The following PKHD1 variants were observed in gnomAD, a reference collection of about 807,000 sequenced individuals.
The protein encoded by PKHD1 is fibrocystin.
PKHD1 carries 291 observed loss-of-function variants against 412.0 expected under a neutral mutation model. The ratio of observed to expected loss-of-function variants is 0.71; its 90% CI spans 0.64 to 0.78. The LOEUF (loss-of-function observed/expected upper bound fraction) is 0.78, where lower values mean the gene tolerates loss of function less well. Ranked by LOEUF, PKHD1 falls within the 30% of genes least tolerant of loss-of-function variation. The probability of loss-of-function intolerance (pLI) is 0.00; values close to 1 mark genes in which losing one functional copy is unlikely to be tolerated. For missense variants in PKHD1, 4,825 were observed against 4,950.7 expected, an observed-to-expected ratio of 0.97 and a Z score of 0.76; for synonymous variants, 1,777 against 1,821.5, an observed-to-expected ratio of 0.98 and a Z score of 0.62.
chr6:51,901,110 T>G (rs956503963), intron 43 of PKHD1, among the ~76,000 whole-genome samples: 1 of 152,150 alleles, frequency 6.6e-6, no homozygotes, highest in African/African-American at 2.4e-5. Context: ...ATCAGTGTGG[T>G]GATTCCTCAG....
intron 31 of PKHD1, 114 bp downstream of exon 31, chr6:52,027,715 C>T (rs1802433421): frequency 5.1e-6 from 4 of 789,204 alleles, no homozygotes; most frequent in African/African-American, 1.7e-5. Context: ...GAAAGTTTCT[C>T]TCCTGTTTCC....
chr6:51,955,463 G>C (rs1445331182), intron 36 of PKHD1, among the ~76,000 whole-genome samples: 1 of 151,954 alleles, frequency 6.6e-6, no homozygotes, highest in Non-Finnish European at 1.5e-5. Context: ...AGTAATATGT[G>C]TAAGAAAAAA....
chr6:51,788,257 G>T (rs1793195402), intron 53 of PKHD1, among the ~76,000 whole-genome samples: 1 of 151,928 alleles, frequency 6.6e-6, no homozygotes, highest in South Asian at 2.1e-4. Context: ...AAAGAAGTTA[G>T]TTTAATATTT....
intron 60 of PKHD1, among the ~76,000 whole-genome samples, chr6:51,723,231 C>T (rs973354960): frequency 3.9e-5 from 6 of 152,134 alleles, no homozygotes; most frequent in Non-Finnish European, 8.8e-5. Context: ...ATGTCAGCTC[C>T]AACATGGAAA....
intron 48 of PKHD1, among the ~76,000 whole-genome samples, chr6:51,859,777 C>T (rs1226901359): frequency 6.6e-6 from 1 of 152,114 alleles, no homozygotes; most frequent in Non-Finnish European, 1.5e-5. Flanking sequence ...AGATAATCTC[C>T]CCAGTTTCTG....
intron 48 of PKHD1, among the ~76,000 whole-genome samples, chr6:51,865,008 C>T (rs1443900800): frequency 6.6e-6 from 1 of 152,016 alleles, no homozygotes; most frequent in African/African-American, 2.4e-5. Context: ...AATTATGGGA[C>T]CCTGGAGAAA....
chr6:51,652,135 C>T (rs1402893504), intron 61 of PKHD1, among the ~76,000 whole-genome samples: 1 of 152,066 alleles, frequency 6.6e-6, no homozygotes, highest in South Asian at 2.1e-4. Flanking sequence ...TCCATTCATC[C>T]CAGTTTTTAC....
intron 1 of PKHD1, among the ~76,000 whole-genome samples, chr6:52,086,882 A>G (rs1242382499): frequency 2.0e-5 from 3 of 152,234 alleles, no homozygotes; most frequent in Admixed American, 6.5e-5. Flanking sequence ...ACCCAAGCGT[A>G]TTTGCTGCTT....
chr6:51,666,789 G>A (rs1562058830), intron 60 of PKHD1, among the ~76,000 whole-genome samples: 1 of 149,700 alleles, frequency 6.7e-6, no homozygotes, highest in Non-Finnish European at 1.5e-5. Flanking sequence ...GTGAGAATAT[G>A]CAGTGTTTGG....
chr6:51,775,938 G>A lies in PKHD1; in HGVS notation c.8441-17C>T, dbSNP rs749998937. The stretch of plus-strand genomic sequence containing the variant: ...CTAAAGTACCTGTTTACAAAGAAAA[G>A]TATATCATTCAAATCAATTTGAAAT... On this transcript the variant is annotated splice_polypyrimidine_tract_variant and intron_variant, in intron 53 of 66. Coordinates refer to ENST00000371117, the MANE Select transcript of PKHD1 (RefSeq NM_138694.4). 3 of 1,122,750 alleles carry A rather than the reference G, an allele frequency of 2.7e-6. No individual in the cohort carries two copies. Among genetic ancestry groups the A allele is most frequent in the East Asian group, 4.7e-5 (2 of 42,500 alleles). The allele number at this position is 1,122,750 out of a possible 1,614,324, so 69.5% of individuals were successfully genotyped here.
chr6:51,836,990 A>T (rs1453521272), intron 50 of PKHD1, among the ~76,000 whole-genome samples: 2 of 152,172 alleles, frequency 1.3e-5, no homozygotes, highest in Non-Finnish European at 2.9e-5. Flanking sequence ...CCTGGGGTTC[A>T]TTAATTTTAA....
chr6:52,049,231 TG>T (rs1806362227), intron 22 of PKHD1, among the ~76,000 whole-genome samples: 1 of 152,238 alleles, frequency 6.6e-6, no homozygotes, highest in African/African-American at 2.4e-5. Flanking sequence ...TATAGCCTGT[TG>T]CTCCTAGGCT....
chr6:51,903,784 A>C, intron 42 of PKHD1, 57 bp from the exon 43 acceptor site: 8 of 1,395,860 alleles, frequency 5.7e-6, no homozygotes, highest in Non-Finnish European at 7.1e-6. Context: ...TACTCAACTC[A>C]ACACCCTTGA....
At chr6:51,754,239 T>G (rs950272551) in intron 56 of PKHD1, among the ~76,000 whole-genome samples, 4 of 152,162 alleles carry the variant, frequency 2.6e-5, no homozygotes, top group African/African-American at 9.7e-5. Context: ...ATAAAAATAT[T>G]TGGTACCTTT....
At chr6:52,013,358 C>T (rs1393930088) in intron 34 of PKHD1, among the ~76,000 whole-genome samples, 3 of 152,176 alleles carry the variant, frequency 2.0e-5, no homozygotes, top group African/African-American at 7.2e-5. Flanking sequence ...TTTTTGTTTA[C>T]CAGCTTCAGC....
intron 60 of PKHD1, among the ~76,000 whole-genome samples, chr6:51,670,417 C>A (rs1472783072): frequency 6.6e-6 from 1 of 151,498 alleles, no homozygotes; most frequent in Non-Finnish European, 1.5e-5. Flanking sequence ...TTCCTCCATC[C>A]TTTTATTTTG....
intron 36 of PKHD1, among the ~76,000 whole-genome samples, chr6:51,955,070 A>G (rs1790906225): frequency 6.6e-6 from 1 of 152,110 alleles, no homozygotes; most frequent in Non-Finnish European, 1.5e-5. Flanking sequence ...GCCATTGGGC[A>G]TCTTAACATA....
In PKHD1 at chr6:52,047,022, G is replaced by A. The variant is rs142410235; in HGVS notation, c.2408-834C>T. 3.5e-3 allele frequency among the ~76,000 whole-genome samples: 535 copies of A among 152,318 alleles called. 3 individuals carry two copies. The highest frequency in any genetic ancestry group is 0.012 in the African/African-American group (512 of 41,578). ...ATCACTGCGTTTCTAAATTGCAAACGAAATTGTTATCCTTTTACAAATCAT... is the reference window on the plus strand; with the variant it reads ...ATCACTGCGTTTCTAAATTGCAAACAAAATTGTTATCCTTTTACAAATCAT... On this transcript the variant is annotated intron_variant, in intron 23 of 66. Coordinates refer to ENST00000371117, the MANE Select transcript of PKHD1 (RefSeq NM_138694.4).
chr6:51,862,619 C>T (rs1045573073), intron 48 of PKHD1, among the ~76,000 whole-genome samples: 5 of 152,108 alleles, frequency 3.3e-5, no homozygotes, highest in African/African-American at 1.2e-4. Flanking sequence ...GGGGGTGACT[C>T]GTACTTTGAA....
Sources: allele counts gnomAD v4.1 joint callset (sites outside exome capture counted in the v4.1 genomes callset), GRCh38; gene constraint gnomAD v4.1.1; transcripts MANE v1.5; gene names NCBI Gene and HGNC (gene_info 2026-07-23, HGNC 2026-07-21).